Variants in ICE1 observed in about 807,000 individuals in gnomAD.
ICE1 encodes the protein little elongation complex subunit 1.
Under a neutral mutation model 192.7 loss-of-function variants are expected in ICE1, and 64 were observed. That is an observed-to-expected ratio of 0.33 (90% CI 0.27 to 0.41). The LOEUF (loss-of-function observed/expected upper bound fraction) is 0.41, where lower values mean the gene tolerates loss of function less well. Ranked by LOEUF, ICE1 falls within the 10% of genes least tolerant of loss-of-function variation. The pLI is 1.00. For synonymous variants in ICE1, 1,010 were observed against 984.5 expected, an observed-to-expected ratio of 1.03 and a Z score of -0.49; for missense variants, 2,708 against 2,696.0, an observed-to-expected ratio of 1.00 and a Z score of -0.10.
intron 3 of ICE1, among the ~76,000 whole-genome samples, chr5:5,438,206 C>T (rs922812692): frequency 4.6e-5 from 7 of 152,164 alleles, no homozygotes; most frequent in South Asian, 2.1e-4. Flanking sequence ...CATCAGATCT[C>T]GTGGGAACTC....
chr5:5,480,779 A>C (rs755189293), intron 17 of ICE1, among the ~76,000 whole-genome samples: 1 of 152,234 alleles, frequency 6.6e-6, no homozygotes, highest in Non-Finnish European at 1.5e-5. Flanking sequence ...TACAAAGTAG[A>C]CACCAAATTT....
intron 17 of ICE1, among the ~76,000 whole-genome samples, chr5:5,478,053 G>C (rs1441326577): frequency 6.6e-6 from 1 of 152,180 alleles, no homozygotes; most frequent in East Asian, 1.9e-4. Flanking sequence ...CATTCCCTTT[G>C]AAAACTGGCA....
chr5:5,452,559 A>G (rs915100612), intron 10 of ICE1, among the ~76,000 whole-genome samples: 3 of 152,226 alleles, frequency 2.0e-5, no homozygotes, highest in Admixed American at 6.5e-5. Context: ...CCTGGATGAG[A>G]AGATTCAAAG....
rs1439149016 is a variant in ICE1 at position 5,447,560 on chromosome 5, C to G, written c.507+51C>G. On this transcript the variant is annotated intron_variant, in intron 8 of 18. Coordinates refer to ENST00000296564, the MANE Select transcript of ICE1 (RefSeq NM_015325.3). ...CACCTTAAATACGTGGCTCCAGGGT[C>G]TCTGTAGTGTCTCTGTGTTGTAACT... The G allele has an allele frequency of 4.9e-6, 7 of 1,433,582 alleles. No individual in the cohort carries two copies. The East Asian group carries it at 1.5e-4, about 31-fold the overall frequency. 88.8% of individuals were successfully genotyped at this position (1,433,582 alleles called of 1,614,324 possible). A position where few individuals can be genotyped will look rare whatever the true frequency, so the allele number is the denominator to read the frequency against.
intron 7 of ICE1, among the ~76,000 whole-genome samples, chr5:5,444,580 CT>C (rs1182567637): frequency 6.6e-6 from 1 of 152,136 alleles, no homozygotes; most frequent in African/African-American, 2.4e-5. Flanking sequence ...GCAGCCCATA[CT>C]TTTGCTATAA....
intron 6 of ICE1, among the ~76,000 whole-genome samples, chr5:5,444,078 T>C (rs1738129203): frequency 6.6e-6 from 1 of 152,198 alleles, no homozygotes; most frequent in African/African-American, 2.4e-5. Context: ...GCCCATGGCA[T>C]GTGTTTCAAG....
chr5:5,462,102 G>A lies in ICE1; in HGVS notation c.2768G>A (p.Ser923Asn). ...ATCACGGAGGTGGCTGCTGTGAAAA[G>A]CATTTCACCAGAAGTTTCTGCCTCT... ...QNITEVAAVK[S>N]ISPEVSASRR... is the part of the protein sequence containing the mutation. Residue 923 changes from serine to asparagine, a missense_variant, in exon 13 of 19, where the codon AGC (serine) becomes AAC (asparagine). Physicochemically the swap from Ser to Asn is conservative, Grantham distance 46. Around this residue, in one of 2 missense-constraint regions of ICE1, gnomAD observed 2,366 missense variants for 2,276.6 expected, o/e 1.04. Transcript: ENST00000296564. The A allele has an allele frequency of 6.2e-7, 1 of 1,613,872 alleles. No homozygotes were observed. The highest frequency in any genetic ancestry group is 8.5e-7 in the Non-Finnish European group (1 of 1,179,794).
chr5:5,477,151 GA>G (rs1174708470), intron 17 of ICE1, among the ~76,000 whole-genome samples: 1 of 151,870 alleles, frequency 6.6e-6, no homozygotes, highest in Non-Finnish European at 1.5e-5. Flanking sequence ...CTATTAATTA[GA>G]AAGATCTCTT....
Position 5,463,750 on chromosome 5 carries a change from G to A in ICE1, c.4416G>A (p.Glu1472=), listed in dbSNP as rs1039536450. The A allele has an allele frequency of 6.2e-7, 1 of 1,613,822 alleles. No individual in the cohort carries two copies. Among genetic ancestry groups the A allele is most frequent in the Non-Finnish European group, 8.5e-7 (1 of 1,179,896 alleles). The part of the protein sequence containing the change: ...IPVTSAEKSP[E]ASHTGPAFQE... ...TGACTTCTGCTGAGAAGTCCCCAGA[G>A]GCCAGTCACACTGGCCCTGCATTTC... Residue 1472 remains glutamate (E), a synonymous_variant, in exon 13 of 19, where the codon GAG becomes GAA. Transcript: ENST00000296564.
intron 10 of ICE1, among the ~76,000 whole-genome samples, chr5:5,453,982 A>G (rs1384041665): frequency 6.6e-6 from 1 of 152,126 alleles, no homozygotes; most frequent in Non-Finnish European, 1.5e-5. Context: ...TCCTACCCAT[A>G]TGTTCATACG....
intron 4 of ICE1, among the ~76,000 whole-genome samples, chr5:5,440,618 T>TA (rs1180842218): frequency 1.3e-5 from 2 of 152,206 alleles, no homozygotes; most frequent in Admixed American, 6.5e-5. Flanking sequence ...TACTATTTAA[T>TA]AGCAAATAGT....
chr5:5,422,685 T>G lies in ICE1; in HGVS notation c.-231T>G. The G allele has an allele frequency of 3.1e-6, 1 of 324,652 alleles. No homozygotes were observed. The highest frequency in any genetic ancestry group is 5.6e-6 in the Non-Finnish European group (1 of 179,582). The allele number at this position is 324,652 out of a possible 1,614,324, so 20.1% of individuals were successfully genotyped here. A position where few individuals can be genotyped will look rare whatever the true frequency, so the allele number is the denominator to read the frequency against. On this transcript the variant is annotated 5_prime_UTR_variant, in exon 1 of 19. Coordinates refer to ENST00000296564, the MANE Select transcript of ICE1 (RefSeq NM_015325.3). Reference sequence around the variant, plus strand: ...GGGGCGGGGCCCTGACTGGACTGCGTCGCGCTCGGGGGCCGCGCCGGGTAG... The same window carrying G: ...GGGGCGGGGCCCTGACTGGACTGCGGCGCGCTCGGGGGCCGCGCCGGGTAG...
intron 17 of ICE1, among the ~76,000 whole-genome samples, chr5:5,485,177 A>G (rs1739609287): frequency 6.6e-6 from 1 of 152,170 alleles, no homozygotes; most frequent in African/African-American, 2.4e-5. Context: ...TCCAGGTTAC[A>G]TCTATCTGTA....
Position 5,463,330 on chromosome 5 carries a change from C to A in ICE1, c.3996C>A (p.Pro1332=). 3 of 1,613,634 alleles carry A rather than the reference C, an allele frequency of 1.9e-6. No individual in the cohort carries two copies. Among genetic ancestry groups the A allele is most frequent in the Non-Finnish European group, 2.5e-6 (3 of 1,179,798 alleles). Residue 1332 remains proline, a synonymous_variant, in exon 13 of 19, where the codon CCC becomes CCA. Transcript: ENST00000296564. ...CCTTGGACACTGAGGGCAGCTCTCC[C>A]ATCAGCGGTATGCCTCAGAATGAAA... ...AAALDTEGSS[P]ISGMPQNENP...
chr5:5,462,791 A>G lies in ICE1; in HGVS notation c.3457A>G (p.Thr1153Ala), dbSNP rs190240372. ...ACCTTCCTTAGAGGTAGGTTATTTG[A>G]CGTCAGCTCTGCAAGATTTTAACAT... is the stretch of plus-strand genomic sequence containing the variant. Reference protein sequence around the residue: ...VRPSLEVGYLTSALQDFNIST... With the variant: ...VRPSLEVGYLASALQDFNIST... Residue 1153 changes from threonine (T) to alanine (A), a missense_variant, in exon 13 of 19, where the codon ACG (threonine) becomes GCG (alanine). Thr to Ala is a moderately conservative substitution (Grantham distance 58). Transcript: ENST00000296564. The G allele has an allele frequency of 2.9e-5, 47 of 1,613,440 alleles. No homozygotes were observed. In the African/African-American group the frequency reaches 5.2e-4, roughly 18 times the overall value.
intron 15 of ICE1, among the ~76,000 whole-genome samples, chr5:5,469,828 A>G (rs1739104075): frequency 6.6e-6 from 1 of 152,316 alleles, no homozygotes; most frequent in South Asian, 2.1e-4. Context: ...CAATCTATCT[A>G]GACACAACAG....
chr5:5,464,840 A>G lies in ICE1; in HGVS notation c.5506A>G (p.Thr1836Ala), dbSNP rs562817753. Reference protein sequence around the residue: ...GTQQDSSGKRTLSTSTLRSAK... With the variant: ...GTQQDSSGKRALSTSTLRSAK... The stretch of plus-strand genomic sequence containing the variant: ...TCAGCAGGATTCAAGCGGGAAAAGA[A>G]CACTGTCAACGTCTACACTGAGAAG... Residue 1836 changes from threonine (T) to alanine (A), a missense_variant, in exon 13 of 19, where the codon ACA (threonine) becomes GCA (alanine). This residue lies in a region of ICE1 where 2,366 missense variants were observed against 2,276.6 expected (regional missense o/e 1.04). Transcript: ENST00000296564. The surrounding 1 kb of genome is among the most constrained non-coding windows in gnomAD (Gnocchi z 4.0). 3.1e-6 allele frequency: 5 copies of G among 1,613,398 alleles called. No individual in the cohort carries two copies. In the African/African-American group the frequency reaches 4.0e-5, roughly 13 times the overall value.
Position 5,463,657 on chromosome 5 carries a change from G to T in ICE1, c.4323G>T (p.Leu1441=), listed in dbSNP as rs1297172836. 6.2e-7 allele frequency: 1 copy of T among 1,613,984 alleles called. No homozygotes were observed. ...AVLPHVDQVT[L]CDIPGDIPIS... is the part of the protein sequence containing the mutation. ...TGCCACATGTGGACCAGGTCACACT[G>T]TGTGACATTCCTGGAGACATCCCTA... is the stretch of plus-strand genomic sequence containing the variant. The change falls in exon 13 of 19, where the codon CTG becomes CTT. Residue 1441 remains leucine, a synonymous_variant. Transcript: ENST00000296564.
intron 18 of ICE1, among the ~76,000 whole-genome samples, chr5:5,488,661 G>T (rs191882113): frequency 9.3e-4 from 133 of 142,892 alleles, no homozygotes; most frequent in African/African-American, 2.9e-3. Context: ...TGTAGTTTTT[G>T]AAAGTATGGT....
Sources: gnomAD v4.1 joint callset for allele counts (sites outside exome capture counted in the v4.1 genomes callset) on GRCh38, gnomAD v4.1.1 for gene constraint, gnomAD v4.1.1 regional missense constraint, Gnocchi (gnomAD v3.1) non-coding constraint, MANE v1.5 for transcripts, NCBI Gene and HGNC (gene_info 2026-07-23, HGNC 2026-07-21) for gene names.